Variants in TNS1 observed in about 807,000 individuals in gnomAD.
TNS1 encodes tensin 1.
A neutral mutation model predicts 168.6 loss-of-function variants in TNS1; 62 were observed. The ratio of observed to expected loss-of-function variants is 0.37; its 90% CI spans 0.30 to 0.45. The LOEUF (loss-of-function observed/expected upper bound fraction) is 0.45, where lower values mean the gene tolerates loss of function less well. Ranked by LOEUF, TNS1 falls within the 20% of genes least tolerant of loss-of-function variation. The pLI is 1.00. For synonymous variants in TNS1, 934 were observed against 933.2 expected (o/e 1.00, Z -0.02); for missense variants, 2,240 against 2,339.4 (o/e 0.96, Z 0.88).
chr2:217,951,631 C>T (rs559200740), intron 3 of TNS1, among the ~76,000 whole-genome samples: 8 of 152,278 alleles, frequency 5.3e-5, no homozygotes, highest in African/African-American at 1.7e-4. Context: ...GGGGCTCGCC[C>T]GCCCCTGCCT....
At chr2:217,940,707 G>A (rs1296680079) in intron 3 of TNS1, among the ~76,000 whole-genome samples, 2 of 152,180 alleles carry the variant, frequency 1.3e-5, no homozygotes, top group African/African-American at 2.4e-5. Context: ...ATCTCCTACT[G>A]TGTCACCCTC....
chr2:218,031,079 TGTGA>T (rs1287299134), intron 1 of TNS1, among the ~76,000 whole-genome samples: 2 of 149,530 alleles, frequency 1.3e-5, no homozygotes, highest in Admixed American at 6.6e-5. Context: ...TGTGTGTGTT[TGTGA>T]GTGTGTGAGC....
At chr2:217,989,088 T>G (rs1310573436) in intron 2 of TNS1, among the ~76,000 whole-genome samples, 1 of 152,132 alleles carries the variant, frequency 6.6e-6, no homozygotes, top group Non-Finnish European at 1.5e-5. Flanking sequence ...TTGGCATATT[T>G]GACATGCCCA....
chr2:217,917,456 G>A (rs964567004), intron 4 of TNS1, among the ~76,000 whole-genome samples: 2 of 152,176 alleles, frequency 1.3e-5, no homozygotes, highest in African/African-American at 4.8e-5. Context: ...GTGTATCGGG[G>A]CGATGCATGC....
chr2:217,962,778 CAGA>C (rs1381483531), intron 3 of TNS1, among the ~76,000 whole-genome samples: 3 of 152,102 alleles, frequency 2.0e-5, no homozygotes, highest in African/African-American at 7.2e-5. Flanking sequence ...CAAAGAAAGA[CAGA>C]AGAACTGTCC....
At position 217,813,356 on chromosome 2, in the gene TNS1, T is replaced by C. The variant is rs200347026; in HGVS notation, c.4862-49A>G. ...GGCTCAGTCCCTGCCCATGGCTTCC[T>C]CCCACCACCTCCCAAGACTGCTTCA... On this transcript the variant is annotated intron_variant, in intron 26 of 32. Coordinates refer to ENST00000682258, the MANE Select transcript of TNS1 (RefSeq NM_001387777.1). The surrounding 1 kb of genome is among the most constrained non-coding windows in gnomAD (Gnocchi z 4.0). 131 of 1,384,876 alleles carry C rather than the reference T, an allele frequency of 9.5e-5. No homozygotes were observed. The African/African-American group carries it at 1.5e-3, about 16-fold the overall frequency. The allele number at this position is 1,384,876 out of a possible 1,614,324, so 85.8% of individuals were successfully genotyped here.
Position 217,847,819 on chromosome 2 carries a change from T to G in TNS1, c.2698A>C (p.Thr900Pro), listed in dbSNP as rs1574786847. 6.3e-7 allele frequency: 1 copy of G among 1,595,956 alleles called. No individual in the cohort carries two copies. Among genetic ancestry groups the G allele is most frequent in the Non-Finnish European group, 8.6e-7 (1 of 1,165,398 alleles). The change falls in exon 19 of 33, where the codon ACC (threonine) becomes CCC (proline). Residue 900 changes from threonine (T) to proline (P), a missense_variant. This residue lies in a region of TNS1 where 2,131 missense variants were observed against 2,171.2 expected (regional missense o/e 0.98). Coordinates refer to ENST00000682258, the MANE Select transcript of TNS1 (RefSeq NM_001387777.1). ...GYIPSGHSLG[T>P]PEPAPRASLE... is the part of the protein sequence containing the mutation. ...GAGGCCCGTGGGGCTGGCTCAGGGGTTCCCAACGAATGCCCACTGGGGATA... is the reference window on the plus strand; with the variant it reads ...GAGGCCCGTGGGGCTGGCTCAGGGGGTCCCAACGAATGCCCACTGGGGATA...
upstream of TNS1, among the ~76,000 whole-genome samples, chr2:218,010,684 G>C (rs1009353287): frequency 2.6e-5 from 4 of 152,022 alleles, no homozygotes; most frequent in African/African-American, 9.6e-5. Flanking sequence ...GCAGCCGCGG[G>C]AGCCGGGGCG....
intron 21 of TNS1, among the ~76,000 whole-genome samples, chr2:217,833,881 T>C (rs1944812128): frequency 1.3e-5 from 2 of 152,362 alleles, no homozygotes; most frequent in South Asian, 4.1e-4. Context: ...CATATTAAAA[T>C]GAATTTCACC....
At chr2:217,879,022 G>A (rs1326323154) in intron 18 of TNS1, among the ~76,000 whole-genome samples, 1 of 152,136 alleles carries the variant, frequency 6.6e-6, no homozygotes. Context: ...GGACAGAGGG[G>A]CCCTGTCTGG....
chr2:217,846,912 G>A (rs1169474930), intron 19 of TNS1, among the ~76,000 whole-genome samples: 3 of 152,188 alleles, frequency 2.0e-5, no homozygotes, highest in Admixed American at 6.5e-5. Context: ...TGGCCTCCCC[G>A]CCCCAGCAGA....
rs529268154 is a variant in TNS1, at chr2:218,032,717, G to A, written c.156+1103C>T. Among the ~76,000 whole-genome samples the A allele has an allele frequency of 2.6e-5, 4 of 152,150 alleles. No homozygotes were observed. The highest frequency in any genetic ancestry group is 2.0e-4 in the Admixed American group (3 of 15,276). On this transcript the variant is annotated intron_variant, in intron 1 of 1. Transcript: ENST00000649572. This position sits in a 1 kb window ranked among gnomAD's most constrained non-coding sequence, Gnocchi z 4.0. Reference sequence around the variant, plus strand: ...GCTGCTCTTCCCTAAACCCCTGAAGGGGGGAGCCCCGAGCAGCAGCAACCC... The same window carrying A: ...GCTGCTCTTCCCTAAACCCCTGAAGAGGGGAGCCCCGAGCAGCAGCAACCC...
At chr2:217,837,338 C>T (rs993365070) in intron 19 of TNS1, among the ~76,000 whole-genome samples, 7 of 152,242 alleles carry the variant, frequency 4.6e-5, no homozygotes, top group Non-Finnish European at 7.3e-5. Flanking sequence ...TCCCCAGCCA[C>T]GCCCCCCAGC....
At chr2:218,010,144 G>T in exon 1 of TNS1, 1 of 399,256 alleles carries the variant, frequency 2.5e-6, no homozygotes. Context: ...CACGAGAAGA[G>T]GTACTTGCCC....
At chr2:217,982,389 TTTC>T (rs1430966751) in intron 2 of TNS1, among the ~76,000 whole-genome samples, 2 of 151,142 alleles carry the variant, frequency 1.3e-5, no homozygotes, top group Non-Finnish European at 2.9e-5. Context: ...TTTTTTTTCT[TTTC>T]TTCTTTTCTT....
At chr2:217,884,358 G>T (rs965086888) in intron 16 of TNS1, among the ~76,000 whole-genome samples, 2 of 152,224 alleles carry the variant, frequency 1.3e-5, no homozygotes, top group African/African-American at 4.8e-5. Flanking sequence ...TGTAAGGATG[G>T]ATTGGTGGAT....
chr2:217,947,837 G>T (rs1957148747), intron 3 of TNS1, among the ~76,000 whole-genome samples: 1 of 152,158 alleles, frequency 6.6e-6, no homozygotes, highest in Non-Finnish European at 1.5e-5. Flanking sequence ...GCCTTCATTT[G>T]TTCCTTCATT....
intron 2 of TNS1, among the ~76,000 whole-genome samples, chr2:217,985,758 G>C (rs539552433): frequency 6.6e-6 from 1 of 152,120 alleles, no homozygotes; most frequent in Admixed American, 6.5e-5. Flanking sequence ...CTGAGGCTTA[G>C]AGGGGGAAGC....
intron 2 of TNS1, among the ~76,000 whole-genome samples, chr2:217,980,207 G>GCTC (rs1958006700): frequency 6.6e-6 from 1 of 152,052 alleles, no homozygotes; most frequent in Admixed American, 6.6e-5. Flanking sequence ...AGGTTTTCCT[G>GCTC]ACCCCACCAG....
Sources: gnomAD v4.1 joint callset for allele counts (sites outside exome capture counted in the v4.1 genomes callset) on GRCh38, gnomAD v4.1.1 for gene constraint, gnomAD v4.1.1 regional missense constraint, Gnocchi (gnomAD v3.1) non-coding constraint, MANE v1.5 for transcripts, NCBI Gene and HGNC (gene_info 2026-07-23, HGNC 2026-07-21) for gene names.